Variants in OSBPL2 observed in about 807,000 individuals in gnomAD.
OSBPL2 encodes oxysterol binding protein like 2.
OSBPL2 carries 18 observed loss-of-function variants against 58.4 expected under a neutral mutation model. The observed-to-expected ratio is 0.31, with a 90% CI of 0.21 to 0.46. The LOEUF (loss-of-function observed/expected upper bound fraction) is 0.46, where lower values mean the gene tolerates loss of function less well. Among genes scored for constraint, OSBPL2 ranks in the 20% least tolerant of loss-of-function variants. OSBPL2 has a pLI of 1.00. For synonymous variants in OSBPL2, 221 were observed against 234.1 expected (o/e 0.94, Z 0.51); for missense variants, 461 against 616.5 (o/e 0.75, Z 2.67).
chr20:62,290,743 GT>G (rs1233805508), intron 12 of OSBPL2, among the ~76,000 whole-genome samples: 60 of 122,230 alleles, frequency 4.9e-4, no homozygotes, highest in Admixed American at 1.1e-3. Flanking sequence ...TGTTTTTTTT[GT>G]TTTTTTTTTT....
At position 62,271,103 on chromosome 20, in the gene OSBPL2, C is replaced by A. The variant is rs1010868918; in HGVS notation, c.259-1022C>A. Among the ~76,000 whole-genome samples the A allele has an allele frequency of 2.0e-5, 3 of 152,254 alleles. No homozygotes were observed. In the East Asian group the frequency reaches 5.8e-4, roughly 30 times the overall value. On this transcript the variant is annotated intron_variant, in intron 4 of 13. Transcript: ENST00000313733. ...TCTGCTTTGCCCACCCCAGACCCTG[C>A]TCCTTCCTGAAGAGCCTGCCCTGAG...
In OSBPL2 at chr20:62,295,030, G is replaced by C. The variant is rs998839635; in HGVS notation, c.*1143G>C. On this transcript the variant is annotated 3_prime_UTR_variant, in exon 14 of 14. Transcript: ENST00000313733. This position sits in a 1 kb window ranked among gnomAD's most constrained non-coding sequence, Gnocchi z 4.8. ...TGCAATGGCATGATCTCGGCTCACC[G>C]CAACCTCCGCCTCCCGGGTTCAAGC... The C allele has an allele frequency of 7.1e-6, 1 of 141,092 alleles. No individual in the cohort carries two copies. Among genetic ancestry groups the C allele is most frequent in the African/African-American group, 2.7e-5 (1 of 37,020 alleles). The allele number at this position is 141,092 out of a possible 1,614,324, so 8.7% of individuals were successfully genotyped here.
intron 2 of OSBPL2, among the ~76,000 whole-genome samples, chr20:62,257,707 C>T (rs1981020099): frequency 6.6e-6 from 1 of 151,308 alleles, no homozygotes; most frequent in African/African-American, 2.4e-5. Context: ...TCCCGAATAC[C>T]TCTGGCCATT....
At chr20:62,279,084 C>G in intron 6 of OSBPL2, 73 bp from the exon 7 acceptor site, 1 of 1,328,470 alleles carries the variant, frequency 7.5e-7, no homozygotes. Flanking sequence ...AGGGGCTCCA[C>G]ATGATGTCTG....
At chr20:62,259,520 G>T (rs140417341) in intron 2 of OSBPL2, among the ~76,000 whole-genome samples, 4 of 152,278 alleles carry the variant, frequency 2.6e-5, no homozygotes, top group African/African-American at 4.8e-5. Flanking sequence ...TGCCACGATG[G>T]TCTCCCTTGA....
At chr20:62,290,734 GTTTTT>G (rs1356751110) in intron 12 of OSBPL2, among the ~76,000 whole-genome samples, 5 of 133,234 alleles carry the variant, frequency 3.8e-5, no homozygotes, top group African/African-American at 1.5e-4. Context: ...TTTTTTTTTT[GTTTTT>G]TTTGTTTTTT....
intron 7 of OSBPL2, 137 bp downstream of exon 7, chr20:62,279,476 A>G (rs1982637909): frequency 2.4e-6 from 2 of 824,422 alleles, no homozygotes; most frequent in South Asian, 1.8e-5. Context: ...CACAGCAGAA[A>G]CGTCTTCAGA....
At chr20:62,283,581 C>T (rs1039722082) in intron 9 of OSBPL2, among the ~76,000 whole-genome samples, 1 of 152,174 alleles carries the variant, frequency 6.6e-6, no homozygotes, top group Non-Finnish European at 1.5e-5. Context: ...ATTGACTGCA[C>T]TGATTGATAG....
At chr20:62,291,678 C>A in intron 12 of OSBPL2, 25 bp from the exon 13 acceptor site, 1 of 1,607,910 alleles carries the variant, frequency 6.2e-7, no homozygotes, top group Non-Finnish European at 8.5e-7. Flanking sequence ...CTCTGTCTGA[C>A]CTAAACTGTT....
chr20:62,254,158 A>G (rs1980762673), intron 1 of OSBPL2, among the ~76,000 whole-genome samples: 2 of 152,288 alleles, frequency 1.3e-5, no homozygotes, highest in Middle Eastern at 6.8e-3. Flanking sequence ...CTGAGGGCAG[A>G]GCCCTCACAG....
chr20:62,280,731 T>G (rs1982725925), intron 7 of OSBPL2, among the ~76,000 whole-genome samples: 1 of 152,228 alleles, frequency 6.6e-6, no homozygotes, highest in African/African-American at 2.4e-5. Context: ...GGACCCTGCA[T>G]TACTGCCGTG....
In OSBPL2 at chr20:62,272,265, C is replaced by T; in HGVS notation, c.393+6C>T. On this transcript the variant is annotated splice_donor_region_variant and intron_variant, in intron 5 of 13. Transcript: ENST00000313733. ...AGCCCCTGGAGAGGATGCAGGTGGG[C>T]CTTAGGGGTGCCAGGCAGGAGTTTG... 6.2e-7 allele frequency: 1 copy of T among 1,612,420 alleles called. No individual in the cohort carries two copies. Among genetic ancestry groups the T allele is most frequent in the Non-Finnish European group, 8.5e-7 (1 of 1,179,550 alleles).
At chr20:62,250,876 G>A (rs914886958) in intron 1 of OSBPL2, among the ~76,000 whole-genome samples, 1 of 152,126 alleles carries the variant, frequency 6.6e-6, no homozygotes, top group African/African-American at 2.4e-5. Flanking sequence ...AGTGAGCGGC[G>A]ATTGTGCCGC....
chr20:62,260,097 T>C lies in OSBPL2; in HGVS notation c.154T>C (p.Ser52Pro). 6.2e-7 allele frequency: 1 copy of C among 1,613,960 alleles called. No homozygotes were observed. Among genetic ancestry groups the C allele is most frequent in the Non-Finnish European group, 8.5e-7 (1 of 1,179,912 alleles). Residue 52 changes from serine (S) to proline (P), a missense_variant, in exon 3 of 14, where the codon TCT (serine) becomes CCT (proline). Physicochemically the swap from Ser to Pro is moderately conservative, Grantham distance 74 (BLOSUM62 -1). Transcript: ENST00000313733. ...GATTGGGAAAACTGGGGAGAGGCCC[T>C]CTCAAGAGAACGGAATTCAGAAACA... The part of the protein sequence containing the change: ...NRIGKTGERP[S>P]QENGIQKHRT...
chr20:62,267,841 T>C (rs1260789529), intron 4 of OSBPL2, among the ~76,000 whole-genome samples: 1 of 152,182 alleles, frequency 6.6e-6, no homozygotes, highest in East Asian at 1.9e-4. Context: ...CAGTTGCCAC[T>C]TGTCATTGTC....
intron 1 of OSBPL2, among the ~76,000 whole-genome samples, chr20:62,246,194 T>G (rs1396977199): frequency 6.6e-6 from 1 of 152,230 alleles, no homozygotes; most frequent in Non-Finnish European, 1.5e-5. Context: ...CAGGGCATGG[T>G]CCCATGATGG....
At chr20:62,277,398 C>G (rs965601415) in intron 6 of OSBPL2, among the ~76,000 whole-genome samples, 1 of 152,258 alleles carries the variant, frequency 6.6e-6, no homozygotes, top group African/African-American at 2.4e-5. Context: ...GGGGCTGCAC[C>G]CGGGGCCGGA....
intron 6 of OSBPL2, among the ~76,000 whole-genome samples, chr20:62,276,612 C>A (rs1196558129): frequency 6.6e-6 from 1 of 152,222 alleles, no homozygotes; most frequent in East Asian, 1.9e-4. Flanking sequence ...ATGTCATTGC[C>A]TTTGAGCAAG....
At chr20:62,287,723 G>T (rs1359819992) in intron 11 of OSBPL2, among the ~76,000 whole-genome samples, 1 of 152,226 alleles carries the variant, frequency 6.6e-6, no homozygotes, top group African/African-American at 2.4e-5. Flanking sequence ...CTCCTGAGTT[G>T]CTGGGACCAC....
Sources: gnomAD v4.1 joint callset for allele counts (sites outside exome capture counted in the v4.1 genomes callset) on GRCh38, gnomAD v4.1.1 for gene constraint, Gnocchi (gnomAD v3.1) non-coding constraint, MANE v1.5 for transcripts, NCBI Gene and HGNC (gene_info 2026-07-23, HGNC 2026-07-21) for gene names.